Variants in ARHGAP15 observed in about 807,000 individuals in gnomAD.
ARHGAP15 encodes rho GTPase-activating protein 15.
Under a neutral mutation model 63.7 loss-of-function variants are expected in ARHGAP15, and 51 were observed. The ratio of observed to expected loss-of-function variants is 0.80; its 90% CI spans 0.64 to 1.01. The LOEUF is 1.01. Ranked by LOEUF, ARHGAP15 falls within the 50% of genes least tolerant of loss-of-function variation. ARHGAP15 has a pLI of 0.00. For missense variants in ARHGAP15, 560 were observed against 564.6 expected, an observed-to-expected ratio of 0.99 and a Z score of 0.08; for synonymous variants, 191 against 193.8, an observed-to-expected ratio of 0.99 and a Z score of 0.12.
At chr2:143,511,705 C>G (rs4264516) in intron 9 of ARHGAP15, among the ~76,000 whole-genome samples, 135,292 of 152,186 alleles carry the variant, frequency 0.89, 60,306 homozygotes, top group East Asian at 1. Flanking sequence ...TGCCTTTTCT[C>G]TCCCTCCCTT....
intron 13 of ARHGAP15, among the ~76,000 whole-genome samples, chr2:143,736,727 G>A (rs1685759759): frequency 6.6e-6 from 1 of 152,188 alleles, no homozygotes; most frequent in Admixed American, 6.5e-5. Flanking sequence ...CAAGCAAATT[G>A]CTTTACACAA....
intron 12 of ARHGAP15, among the ~76,000 whole-genome samples, chr2:143,683,365 A>C (rs1683191862): frequency 6.6e-6 from 1 of 152,206 alleles, no homozygotes; most frequent in Non-Finnish European, 1.5e-5. Context: ...GAAATTGATA[A>C]ACTTCAGAAT....
At chr2:143,326,252 C>A (rs531863441) in intron 6 of ARHGAP15, among the ~76,000 whole-genome samples, 1 of 152,228 alleles carries the variant, frequency 6.6e-6, no homozygotes, top group South Asian at 2.1e-4. Flanking sequence ...GTTATATATT[C>A]TTTCCAGTAA....
chr2:143,547,045 T>C (rs148218405), intron 10 of ARHGAP15, among the ~76,000 whole-genome samples: 4 of 152,268 alleles, frequency 2.6e-5, no homozygotes, highest in African/African-American at 9.6e-5. Context: ...TAGGTTCTTT[T>C]CTAGAGAAAT....
intron 5 of ARHGAP15, among the ~76,000 whole-genome samples, chr2:143,239,749 G>C (rs1473117864): frequency 2.0e-5 from 3 of 151,990 alleles, no homozygotes; most frequent in Non-Finnish European, 4.4e-5. Flanking sequence ...CCAGTACTTT[G>C]GGAGCCCAAG....
At chr2:143,165,644 T>G (rs1186447062) in intron 2 of ARHGAP15, among the ~76,000 whole-genome samples, 1 of 152,044 alleles carries the variant, frequency 6.6e-6, no homozygotes, top group African/African-American at 2.4e-5. Context: ...TAATCAGCAG[T>G]GAAAGGTTAA....
intron 13 of ARHGAP15, among the ~76,000 whole-genome samples, chr2:143,738,363 G>A (rs985968468): frequency 3.3e-5 from 5 of 152,024 alleles, no homozygotes; most frequent in Admixed American, 1.3e-4. Flanking sequence ...GCGTTCTTAC[G>A]AATAAAGGCA....
intron 11 of ARHGAP15, among the ~76,000 whole-genome samples, chr2:143,571,207 C>T (rs1383966581): frequency 6.6e-6 from 1 of 152,174 alleles, no homozygotes; most frequent in African/African-American, 2.4e-5. Flanking sequence ...ATTGATTCTA[C>T]ATTATGGTGA....
intron 11 of ARHGAP15, among the ~76,000 whole-genome samples, chr2:143,610,411 G>T (rs1374131282): frequency 6.6e-6 from 1 of 152,122 alleles, no homozygotes; most frequent in African/African-American, 2.4e-5. Context: ...TTCATAGTTT[G>T]GTTCTGCCTT....
intron 2 of ARHGAP15, among the ~76,000 whole-genome samples, chr2:143,178,922 T>C (rs948334422): frequency 6.6e-6 from 1 of 152,258 alleles, no homozygotes; most frequent in African/African-American, 2.4e-5. Flanking sequence ...GAATCACCAA[T>C]TTATTTTCTT....
intron 6 of ARHGAP15, among the ~76,000 whole-genome samples, chr2:143,369,429 G>T (rs1400088871): frequency 6.6e-6 from 1 of 152,050 alleles, no homozygotes; most frequent in African/African-American, 2.4e-5. Context: ...ACCAAAAGTA[G>T]ACAAACCTTT....
At chr2:143,551,119 T>A (rs890066216) in intron 10 of ARHGAP15, among the ~76,000 whole-genome samples, 1 of 152,140 alleles carries the variant, frequency 6.6e-6, no homozygotes, top group Non-Finnish European at 1.5e-5. Context: ...TAAACAGAAA[T>A]ATGACATATT....
At chr2:143,538,805 C>T (rs1559036964) in intron 10 of ARHGAP15, among the ~76,000 whole-genome samples, 1 of 152,156 alleles carries the variant, frequency 6.6e-6, no homozygotes, top group Non-Finnish European at 1.5e-5. Context: ...AGGATTTTTG[C>T]ACCAATGTTC....
At position 143,376,542 on chromosome 2, in the gene ARHGAP15, G is replaced by A. The variant is rs565429199; in HGVS notation, c.475-59059G>A. 3.6e-3 allele frequency among the ~76,000 whole-genome samples: 549 copies of A among 152,150 alleles called. 8 individuals carry two copies. The highest frequency in any genetic ancestry group is 5.8e-3 in the Non-Finnish European group (392 of 67,980). On this transcript the variant is annotated intron_variant, in intron 6 of 13. Transcript: ENST00000295095. ...AGAACATTTATTTTTATCAATTTCAGATATGTATATGGTAAGACTTAGAAC... is the reference window on the plus strand; with the variant it reads ...AGAACATTTATTTTTATCAATTTCAAATATGTATATGGTAAGACTTAGAAC...
At chr2:143,237,308 C>T (rs1368465738) in intron 5 of ARHGAP15, 6 of 152,144 alleles carry the variant, frequency 3.9e-5, no homozygotes, top group Admixed American at 1.3e-4. Context: ...TGAGCTCTTA[C>T]GACAGAGAAA....
At chr2:143,489,394 A>G (rs1692475903) in intron 9 of ARHGAP15, among the ~76,000 whole-genome samples, 1 of 152,220 alleles carries the variant, frequency 6.6e-6, no homozygotes, top group Non-Finnish European at 1.5e-5. Context: ...TGGAAAATCT[A>G]TGTAAAATTC....
chr2:143,631,109 C>CT (rs1240691174), intron 12 of ARHGAP15, among the ~76,000 whole-genome samples: 1 of 152,028 alleles, frequency 6.6e-6, no homozygotes, highest in African/African-American at 2.4e-5. Flanking sequence ...GGGGGAGAGG[C>CT]TTTTTTTCAT....
intron 2 of ARHGAP15, among the ~76,000 whole-genome samples, chr2:143,187,256 A>T (rs2105081988): frequency 6.6e-6 from 1 of 152,310 alleles, no homozygotes; most frequent in East Asian, 1.9e-4. Flanking sequence ...GACCAAGAGG[A>T]AGCCAAGGCC....
At chr2:143,613,059 C>A (rs192488333) in intron 11 of ARHGAP15, among the ~76,000 whole-genome samples, 70 of 152,232 alleles carry the variant, frequency 4.6e-4, no homozygotes, top group Non-Finnish European at 8.7e-4. Flanking sequence ...TGTTGTGAAT[C>A]CCCAGAAACA....
Sources: allele counts gnomAD v4.1 joint callset (sites outside exome capture counted in the v4.1 genomes callset), GRCh38; gene constraint gnomAD v4.1.1; transcripts MANE v1.5; gene names NCBI Gene and HGNC (gene_info 2026-07-23, HGNC 2026-07-21).